KIAA0232: variants seen among roughly 807,000 people sequenced by gnomAD.
KIAA0232 encodes the protein uncharacterized protein KIAA0232.
A neutral mutation model predicts 122.0 loss-of-function variants in KIAA0232; 27 were observed. The ratio of observed to expected loss-of-function variants is 0.22; its 90% confidence interval spans 0.16 to 0.31. The LOEUF (loss-of-function observed/expected upper bound fraction) is 0.31. Among genes scored for constraint, KIAA0232 ranks in the 10% least tolerant of loss-of-function variants. The pLI, the probability that KIAA0232 is intolerant of heterozygous loss-of-function variation, is 1.00. For missense variants in KIAA0232, 1,551 were observed against 1,634.2 expected (o/e 0.95, Z 0.88); for synonymous variants, 613 against 587.6 (o/e 1.04, Z -0.63).
At chr4:6,810,370 C>G (rs1464360874) in intron 2 of KIAA0232, among the ~76,000 whole-genome samples, 16 of 152,110 alleles carry the variant, frequency 1.1e-4, no homozygotes, top group Admixed American at 1.0e-3. Flanking sequence ...AATTGGATTG[C>G]CCTGTGCATA....
rs1342575751 is a variant in KIAA0232 at position 6,855,600 on chromosome 4, ATATG to A, written c.370-1562_370-1559del. 6.6e-6 allele frequency among the ~76,000 whole-genome samples: 1 copy of A among 152,124 alleles called. No individual in the cohort carries two copies. The highest frequency in any genetic ancestry group is 1.9e-4 in the East Asian group (1 of 5,204). ...CATATTTACTCATATATTAATAAAT[ATATG>A]TGTGTATATGTAATTAATTTCTAAG... On this transcript the variant is annotated intron_variant, in intron 4 of 9. Transcript: ENST00000307659. The surrounding 1 kb of genome is among the most constrained non-coding windows in gnomAD (Gnocchi z 4.3).
intron 2 of KIAA0232, among the ~76,000 whole-genome samples, chr4:6,817,470 C>G (rs1440211580): frequency 6.6e-6 from 1 of 152,220 alleles, no homozygotes. Context: ...CTGCCTCGGC[C>G]TCCCAAAGTG....
chr4:6,862,482 T>C lies in KIAA0232; in HGVS notation c.2100T>C (p.Asn700=), dbSNP rs1338678412. 1.9e-6 allele frequency: 3 copies of C among 1,614,098 alleles called. No homozygotes were observed. The change falls in exon 7 of 10, where the codon AAT becomes AAC. Residue 700 remains asparagine (N), a synonymous_variant. Transcript: ENST00000307659. The part of the protein sequence containing the change: ...IWTKNSAFEE[N]EHCSNLSTRT... ...CCAAAAATAGTGCCTTTGAAGAAAA[T>C]GAACACTGTTCTAATCTTTCAACAA...
rs115982284 is a variant in KIAA0232 at position 6,793,757 on chromosome 4, G to T, written c.-353-10766G>T. On this transcript the variant is annotated intron_variant, in intron 1 of 9. Coordinates refer to ENST00000307659, the MANE Select transcript of KIAA0232 (RefSeq NM_014743.3). ...GTTAACCGTTCTAATCTGTTAGGGC[G>T]TTGTGTTAGGGACCTTAGATAAACC... Among the ~76,000 whole-genome samples the T allele has an allele frequency of 4.0e-3, 605 of 152,320 alleles. 3 individuals carry two copies. The highest frequency in any genetic ancestry group is 0.014 in the African/African-American group (570 of 41,574).
intron 9 of KIAA0232, among the ~76,000 whole-genome samples, chr4:6,877,274 C>T (rs886291995): frequency 3.9e-5 from 6 of 152,188 alleles, no homozygotes; most frequent in African/African-American, 9.7e-5. Flanking sequence ...CATGTACTTG[C>T]GTTCCGTTTC....
intron 1 of KIAA0232, among the ~76,000 whole-genome samples, chr4:6,794,819 A>G (rs977030593): frequency 7.9e-5 from 12 of 152,224 alleles, no homozygotes; most frequent in Non-Finnish European, 1.8e-4. Flanking sequence ...GGGGAAGGTC[A>G]TGGCAAGGGT....
chr4:6,806,824 A>G (rs1380623075), intron 2 of KIAA0232, among the ~76,000 whole-genome samples: 2 of 151,560 alleles, frequency 1.3e-5, no homozygotes, highest in East Asian at 3.9e-4. Context: ...AGCATTTGAC[A>G]GTAGCATTTC....
intron 4 of KIAA0232, among the ~76,000 whole-genome samples, chr4:6,848,012 A>G (rs1720060542): frequency 6.6e-6 from 1 of 152,228 alleles, no homozygotes; most frequent in African/African-American, 2.4e-5. Context: ...TTAAAATGCA[A>G]TAACTCTTCC....
intron 1 of KIAA0232, among the ~76,000 whole-genome samples, chr4:6,792,145 C>T (rs554770353): frequency 1.5e-4 from 23 of 152,272 alleles, no homozygotes; most frequent in Non-Finnish European, 2.6e-4. Context: ...TTGGGTATGT[C>T]TTTATCAGCA....
At chr4:6,827,593 C>T (rs1382948634) in intron 3 of KIAA0232, among the ~76,000 whole-genome samples, 3 of 152,216 alleles carry the variant, frequency 2.0e-5, no homozygotes, top group African/African-American at 7.2e-5. Context: ...GTTTGAAGAC[C>T]CATCACTTTT....
chr4:6,830,413 T>TC (rs1718907937), intron 3 of KIAA0232, among the ~76,000 whole-genome samples: 1 of 146,776 alleles, frequency 6.8e-6, no homozygotes, highest in Non-Finnish European at 1.5e-5. Context: ...CTTTTTTTTT[T>TC]TTTTTTTTTT....
intron 1 of KIAA0232, among the ~76,000 whole-genome samples, chr4:6,796,971 T>A (rs979220740): frequency 2.6e-5 from 4 of 152,272 alleles, no homozygotes; most frequent in African/African-American, 9.6e-5. Context: ...TTTGGGACAT[T>A]TACTGACAAC....
rs371108539 is a variant in KIAA0232, at chr4:6,851,330, A to G, written c.370-5834A>G. ...TTCTGTAGCCAAATATCCTTCAGGA[A>G]GTTTACTTGTTAGATATCTAAAGGG... On this transcript the variant is annotated intron_variant, in intron 4 of 9. Transcript: ENST00000307659. 4.4e-4 allele frequency among the ~76,000 whole-genome samples: 67 copies of G among 152,336 alleles called. No individual in the cohort carries two copies. The East Asian group carries it at 8.7e-3, about 20-fold the overall frequency.
chr4:6,873,172 C>A (rs1356915810), intron 8 of KIAA0232, among the ~76,000 whole-genome samples: 1 of 152,166 alleles, frequency 6.6e-6, no homozygotes, highest in East Asian at 1.9e-4. Flanking sequence ...AGATGCCCCC[C>A]GCTAGTTTTC....
Position 6,830,471 on chromosome 4 carries a change from G to C in KIAA0232, c.231+5787G>C, listed in dbSNP as rs1043066469. 2.1e-5 allele frequency among the ~76,000 whole-genome samples: 3 copies of C among 145,720 alleles called. No homozygotes were observed. In the South Asian group the frequency reaches 6.6e-4, roughly 32 times the overall value. The stretch of plus-strand genomic sequence containing the variant: ...GTTGCCCAGGCTAGAGTGCAGGGGC[G>C]ATCTCAGCTCACTGCAGCCTCTGCC... On this transcript the variant is annotated intron_variant, in intron 3 of 9. Transcript: ENST00000307659.
rs755262915 is a variant in KIAA0232 at position 6,880,901 on chromosome 4, T to C, written c.4123T>C (p.Ser1375Pro). 2 of 1,607,536 alleles carry C rather than the reference T, an allele frequency of 1.2e-6. No individual in the cohort carries two copies. Among genetic ancestry groups the C allele is most frequent in the Non-Finnish European group, 8.5e-7 (1 of 1,176,774 alleles). ...SASSTSEETGSEGGGEWVGPS... is the reference protein window; with the variant it reads ...SASSTSEETGPEGGGEWVGPS... ...CAGCTCCACCTCGGAAGAGACAGGCTCAGAAGGCGGAGGCGAGTGGGTGGG... is the reference window on the plus strand; with the variant it reads ...CAGCTCCACCTCGGAAGAGACAGGCCCAGAAGGCGGAGGCGAGTGGGTGGG... The change falls in exon 10 of 10, where the codon TCA becomes CCA. Residue 1375 changes from serine (S) to proline (P), a missense_variant. Around this residue, in one of 5 missense-constraint regions of KIAA0232, gnomAD observed 1,108 missense variants for 1,154.8 expected, o/e 0.96. Transcript: ENST00000307659.
At chr4:6,837,500 C>T (rs13150680) in intron 3 of KIAA0232, among the ~76,000 whole-genome samples, 2,108 of 152,294 alleles carry the variant, frequency 0.014, 21 homozygotes, top group Middle Eastern at 0.034. Context: ...CTCCTCACTT[C>T]CTAGACGGGG....
intron 3 of KIAA0232, among the ~76,000 whole-genome samples, chr4:6,827,349 C>T (rs1718746049): frequency 6.6e-6 from 1 of 152,334 alleles, no homozygotes; most frequent in Non-Finnish European, 1.5e-5. Context: ...TGGTTCTCTT[C>T]TAGCAAGAGT....
chr4:6,844,063 C>A (rs191194434), intron 4 of KIAA0232, among the ~76,000 whole-genome samples: 156 of 149,524 alleles, frequency 1.0e-3, no homozygotes, highest in Admixed American at 2.6e-3. Context: ...CCTCAGCCTC[C>A]TGAATAGCTG....
Sources: gnomAD v4.1 joint callset for allele counts (sites outside exome capture counted in the v4.1 genomes callset) on GRCh38, gnomAD v4.1.1 for gene constraint, gnomAD v4.1.1 regional missense constraint, Gnocchi (gnomAD v3.1) non-coding constraint, MANE v1.5 for transcripts, NCBI Gene and HGNC (gene_info 2026-07-23, HGNC 2026-07-21) for gene names.